Variants in COL4A1 observed in about 807,000 individuals in gnomAD.
COL4A1 encodes collagen alpha-1(IV) chain.
A neutral mutation model predicts 216.6 loss-of-function variants in COL4A1; 40 were observed. The observed-to-expected ratio is 0.18, with a 90% CI of 0.14 to 0.24. The LOEUF is 0.24. COL4A1 is among the 10% of genes least tolerant of loss of function. The probability of loss-of-function intolerance (pLI) is 1.00; values close to 1 mark genes in which losing one functional copy is unlikely to be tolerated. For missense variants in COL4A1, 1,628 were observed against 2,196.8 expected (o/e 0.74, Z 5.18); for synonymous variants, 839 against 810.7 (o/e 1.03, Z -0.59).
chr13:110,150,407 G>A lies in COL4A1; in HGVS notation c.4966C>T (p.Arg1656Cys), dbSNP rs377350886. The change falls in exon 52 of 52, where the codon CGC becomes TGC. Residue 1656 changes from arginine (R) to cysteine (C), a missense_variant. Transcript: ENST00000375820. ...ACTTGGCAGCGGCTGACGTGCGTGCGCAGCTCCCCTGCCTTCAAGGTGGAC... is the reference window on the plus strand; with the variant it reads ...ACTTGGCAGCGGCTGACGTGCGTGCACAGCTCCCCTGCCTTCAAGGTGGAC... Reference protein sequence around the residue: ...TPSTLKAGELRTHVSRCQVCM... With the variant: ...TPSTLKAGELCTHVSRCQVCM... 2.0e-5 allele frequency: 32 copies of A among 1,613,908 alleles called. No homozygotes were observed. Among genetic ancestry groups the A allele is most frequent in the East Asian group, 4.5e-5 (2 of 44,894 alleles).
Position 110,307,107 on chromosome 13 carries a change from A to G in COL4A1, c.-80T>C. Reference sequence around the variant, plus strand: ...GGACAGCTAGCTCTCGGAAGGCCGGACTTCCAGCGCTACGCACCGTCCCGG... The same window carrying G: ...GGACAGCTAGCTCTCGGAAGGCCGGGCTTCCAGCGCTACGCACCGTCCCGG... On this transcript the variant is annotated 5_prime_UTR_variant, in exon 1 of 52. Coordinates refer to ENST00000375820, the MANE Select transcript of COL4A1 (RefSeq NM_001845.6). This position sits in a 1 kb window ranked among gnomAD's most constrained non-coding sequence, Gnocchi z 5.0. 1 of 1,188,716 alleles carries G rather than the reference A, an allele frequency of 8.4e-7. No homozygotes were observed. The highest frequency in any genetic ancestry group is 1.1e-6 in the Non-Finnish European group (1 of 899,572). 73.6% of individuals were successfully genotyped at this position (1,188,716 alleles called of 1,614,324 possible).
At chr13:110,296,427 T>C (rs752844862) in intron 1 of COL4A1, among the ~76,000 whole-genome samples, 8 of 152,236 alleles carry the variant, frequency 5.3e-5, no homozygotes, top group Non-Finnish European at 1.2e-4. Flanking sequence ...AAAAGAAAGA[T>C]ACTTCATAGT....
intron 1 of COL4A1, among the ~76,000 whole-genome samples, chr13:110,258,366 C>T (rs898677408): frequency 2.0e-5 from 3 of 152,112 alleles, no homozygotes; most frequent in African/African-American, 4.8e-5. Flanking sequence ...GGTAAAATCC[C>T]ATCTCTACTA....
In COL4A1 at chr13:110,206,895, A is replaced by C. The variant is rs776168238; in HGVS notation, c.781-4T>G. On this transcript the variant is annotated splice_region_variant and splice_polypyrimidine_tract_variant and intron_variant, in intron 13 of 51. Transcript: ENST00000375820. ...ATCCAGGTTCACCTTTTTGGCCCTG[A>C]AAGAATTCGAGAGACAGATCAGCAC... 27 of 1,613,948 alleles carry C rather than the reference A, an allele frequency of 1.7e-5. No individual in the cohort carries two copies. The highest frequency in any genetic ancestry group is 2.7e-5 in the African/African-American group (2 of 74,890).
intron 2 of COL4A1, among the ~76,000 whole-genome samples, chr13:110,219,779 TGC>T (rs113246633): frequency 1.7e-4 from 22 of 129,434 alleles, no homozygotes; most frequent in South Asian, 7.0e-4. Context: ...TGTATATATA[TGC>T]GTATATATGT....
intron 1 of COL4A1, among the ~76,000 whole-genome samples, chr13:110,288,567 A>T (rs1232755443): frequency 6.6e-6 from 1 of 152,232 alleles, no homozygotes; most frequent in Non-Finnish European, 1.5e-5. Flanking sequence ...TTGCACAGAC[A>T]AAAATCAAAA....
At chr13:110,171,545 A>C (rs1877643437) in intron 41 of COL4A1, among the ~76,000 whole-genome samples, 1 of 152,246 alleles carries the variant, frequency 6.6e-6, no homozygotes. Context: ...TTTAGTTTTA[A>C]ACATAGTATC....
chr13:110,164,879 C>T lies in COL4A1; in HGVS notation c.4133G>A (p.Gly1378Asp). 6.2e-7 allele frequency: 1 copy of T among 1,611,240 alleles called. No individual in the cohort carries two copies. Among genetic ancestry groups the T allele is most frequent in the Non-Finnish European group, 8.5e-7 (1 of 1,178,806 alleles). ...PGLKGLQGLPGPKGQQGVTGL... is the reference protein window; with the variant it reads ...PGLKGLQGLPDPKGQQGVTGL... ...CTTCTCACCTTGCTGGCCTTTCGGGCCTGGCAGTCCCTGAAGCCCTTTCAG... is the reference window on the plus strand; with the variant it reads ...CTTCTCACCTTGCTGGCCTTTCGGGTCTGGCAGTCCCTGAAGCCCTTTCAG... Residue 1378 changes from glycine to aspartate, a missense_variant, in exon 46 of 52, where the codon GGC becomes GAC. Around this residue, in one of 8 missense-constraint regions of COL4A1, gnomAD observed 345 missense variants for 476.9 expected, o/e 0.72. Coordinates refer to ENST00000375820, the MANE Select transcript of COL4A1 (RefSeq NM_001845.6).
chr13:110,167,411 C>A (rs577947866), intron 43 of COL4A1, among the ~76,000 whole-genome samples, 181 bp from the exon 44 acceptor site: 1 of 152,180 alleles, frequency 6.6e-6, no homozygotes, highest in East Asian at 1.9e-4. Flanking sequence ...GTGCCTCAAT[C>A]GGGAAGCTGG....
At chr13:110,166,923 G>A (rs78978840) in intron 44 of COL4A1, among the ~76,000 whole-genome samples, 1 of 152,174 alleles carries the variant, frequency 6.6e-6, no homozygotes, top group Non-Finnish European at 1.5e-5. Context: ...TTCTTATTGA[G>A]ATATTAATGA....
intron 10 of COL4A1, 55 bp from the exon 11 acceptor site, chr13:110,209,482 G>A: frequency 7.9e-7 from 1 of 1,258,670 alleles, no homozygotes; most frequent in Non-Finnish European, 1.1e-6. Context: ...GGAGCTTTAA[G>A]CCCTTCTTCA....
At chr13:110,189,149 C>T (rs1878524258) in intron 24 of COL4A1, among the ~76,000 whole-genome samples, 2 of 152,316 alleles carry the variant, frequency 1.3e-5, no homozygotes, top group South Asian at 4.1e-4. Flanking sequence ...CCGCAACCTC[C>T]GCCTCTCAGG....
chr13:110,165,256 T>C (rs1877281733), intron 45 of COL4A1, among the ~76,000 whole-genome samples: 1 of 152,154 alleles, frequency 6.6e-6, no homozygotes, highest in South Asian at 2.1e-4. Context: ...CTGGGACCCC[T>C]GACAACTGCC....
At chr13:110,279,570 A>G (rs1883548532) in intron 1 of COL4A1, among the ~76,000 whole-genome samples, 1 of 152,210 alleles carries the variant, frequency 6.6e-6, no homozygotes, top group South Asian at 2.1e-4. Context: ...CCACACACAC[A>G]TATAGATTAT....
intron 28 of COL4A1, among the ~76,000 whole-genome samples, chr13:110,182,287 G>A (rs1878200220): frequency 6.6e-6 from 1 of 152,230 alleles, no homozygotes; most frequent in African/African-American, 2.4e-5. Context: ...ACAGCAGTGA[G>A]GGTGGATGGG....
intron 1 of COL4A1, among the ~76,000 whole-genome samples, chr13:110,273,508 C>G (rs1233640109): frequency 6.6e-6 from 1 of 152,158 alleles, no homozygotes; most frequent in Non-Finnish European, 1.5e-5. Context: ...TTCAGACAGC[C>G]GAGCTCGCTC....
At chr13:110,203,650 A>C in intron 17 of COL4A1, 43 bp from the exon 18 acceptor site, 2 of 1,603,060 alleles carry the variant, frequency 1.2e-6, no homozygotes, top group Non-Finnish European at 1.7e-6. Context: ...TCTTACTATA[A>C]AGATTGTCTT....
Position 110,174,170 on chromosome 13 carries a change from A to G in COL4A1, c.3407-172T>C, listed in dbSNP as rs114503052. Among the ~76,000 whole-genome samples, 518 of 152,294 alleles carry G rather than the reference A, an allele frequency of 3.4e-3. 2 individuals are homozygous for G. The highest frequency in any genetic ancestry group is 0.012 in the African/African-American group (488 of 41,556). On this transcript the variant is annotated intron_variant, in intron 39 of 51. Transcript: ENST00000375820. ...TTCAGAAAGGACCCTGCGTGCTTTC[A>G]GCAACACCACCAAACCCTGACCCTC...
intron 51 of COL4A1, among the ~76,000 whole-genome samples, chr13:110,151,136 C>T (rs80351265): frequency 0.025 from 3,784 of 152,206 alleles, 60 homozygotes; most frequent in East Asian, 0.037. Context: ...ATTAATTAAA[C>T]TAAATTAAAA....
Sources: gnomAD v4.1 joint callset for allele counts (sites outside exome capture counted in the v4.1 genomes callset) on GRCh38, gnomAD v4.1.1 for gene constraint, gnomAD v4.1.1 regional missense constraint, Gnocchi (gnomAD v3.1) non-coding constraint, MANE v1.5 for transcripts, NCBI Gene and HGNC (gene_info 2026-07-23, HGNC 2026-07-21) for gene names.